The following GALNT13 variants were observed in gnomAD, a reference collection of about 807,000 sequenced individuals.
The protein encoded by GALNT13 is UDP-GalNAc:polypeptide N-acetylgalactosaminyltransferase 13.
Under a neutral mutation model 64.2 loss-of-function variants are expected in GALNT13, and 28 were observed. That is an observed-to-expected ratio of 0.44 (90% CI 0.32 to 0.60). The LOEUF (loss-of-function observed/expected upper bound fraction) is 0.60, where lower values mean the gene tolerates loss of function less well. Among genes scored for constraint, GALNT13 ranks in the 20% least tolerant of loss-of-function variants. The pLI, the probability that GALNT13 is intolerant of heterozygous loss-of-function variation, is 0.05. For missense variants in GALNT13, 577 were observed against 669.8 expected (o/e 0.86, Z 1.53); for synonymous variants, 214 against 224.6 (o/e 0.95, Z 0.42).
chr2:153,885,357 A>G (rs187837104), intron 1 of GALNT13, among the ~76,000 whole-genome samples: 1 of 152,194 alleles, frequency 6.6e-6, no homozygotes, highest in East Asian at 1.9e-4. Context: ...TCAAATCAGA[A>G]TCATACATCT....
intron 11 of GALNT13, among the ~76,000 whole-genome samples, chr2:154,431,288 C>T (rs80082019): frequency 0.039 from 5,892 of 152,272 alleles, 245 homozygotes; most frequent in African/African-American, 0.1. Context: ...TACTTTGTAA[C>T]GTGTACTGCT....
chr2:154,055,377 G>A (rs1444595684), intron 3 of GALNT13, among the ~76,000 whole-genome samples: 1 of 152,014 alleles, frequency 6.6e-6, no homozygotes, highest in Admixed American at 6.5e-5. Flanking sequence ...GTCTTCTTAG[G>A]AGAGTGTGTC....
chr2:153,697,169 T>C, the GALNT13 span, among the ~76,000 whole-genome samples: 1 of 152,172 alleles, frequency 6.6e-6, no homozygotes, highest in African/African-American at 2.4e-5. Flanking sequence ...CCACAGTGGC[T>C]GTGTTGAGCC....
At chr2:154,323,309 G>C (rs1372966270) in intron 9 of GALNT13, among the ~76,000 whole-genome samples, 3 of 151,692 alleles carry the variant, frequency 2.0e-5, no homozygotes, top group African/African-American at 7.3e-5. Context: ...AAAAGGAGAG[G>C]AGTAGCAAAG....
At chr2:154,367,319 CAAAG>C (rs749222380) in intron 9 of GALNT13, among the ~76,000 whole-genome samples, 8 of 151,888 alleles carry the variant, frequency 5.3e-5, no homozygotes, top group African/African-American at 1.5e-4. Context: ...GAAATGAAAA[CAAAG>C]AAAAATTTAA....
the GALNT13 span, among the ~76,000 whole-genome samples, chr2:153,293,566 C>T: frequency 1.3e-5 from 2 of 152,120 alleles, no homozygotes; most frequent in African/African-American, 2.4e-5. Flanking sequence ...AATTTTAGCT[C>T]AGTCAAACCC....
intron 4 of GALNT13, among the ~76,000 whole-genome samples, chr2:154,202,013 A>T (rs1687196696): frequency 6.6e-6 from 1 of 152,194 alleles, no homozygotes; most frequent in African/African-American, 2.4e-5. Context: ...ATTGATGAAG[A>T]TAACTTTCTG....
At chr2:153,286,342 A>G in the GALNT13 span, among the ~76,000 whole-genome samples, 1 of 149,152 alleles carries the variant, frequency 6.7e-6, no homozygotes, top group East Asian at 1.9e-4. Flanking sequence ...TATTATGACT[A>G]TTTATATAGA....
At chr2:153,238,570 T>C in the GALNT13 span, among the ~76,000 whole-genome samples, 3 of 151,010 alleles carry the variant, frequency 2.0e-5, no homozygotes, top group Non-Finnish European at 3.0e-5. Flanking sequence ...TTCCCCAGCA[T>C]TATTTATTGA....
chr2:153,799,709 T>G, the GALNT13 span, among the ~76,000 whole-genome samples: 1 of 152,182 alleles, frequency 6.6e-6, no homozygotes, highest in Non-Finnish European at 1.5e-5. Flanking sequence ...TTCTATGACT[T>G]AGTTTGGCCT....
chr2:154,196,752 G>A (rs1686899381), intron 4 of GALNT13, among the ~76,000 whole-genome samples: 1 of 152,138 alleles, frequency 6.6e-6, no homozygotes, highest in Admixed American at 6.5e-5. Flanking sequence ...TATAGATTTG[G>A]ACTTTCACAA....
chr2:153,549,306 A>G, the GALNT13 span, among the ~76,000 whole-genome samples: 1 of 152,214 alleles, frequency 6.6e-6, no homozygotes, highest in Non-Finnish European at 1.5e-5. Flanking sequence ...TCTTTACACA[A>G]AATACTTGAG....
chr2:154,448,383 A>G (rs1472879422), intron 12 of GALNT13, among the ~76,000 whole-genome samples: 2 of 152,016 alleles, frequency 1.3e-5, no homozygotes, highest in South Asian at 4.1e-4. Context: ...AACAAAAGGG[A>G]AAAACTGTAT....
intron 1 of GALNT13, among the ~76,000 whole-genome samples, chr2:153,886,658 A>G (rs1261266578): frequency 6.6e-6 from 1 of 151,908 alleles, no homozygotes; most frequent in Admixed American, 6.6e-5. Flanking sequence ...ATAGTTTGTG[A>G]TTACCGTCTC....
intron 7 of GALNT13, among the ~76,000 whole-genome samples, chr2:154,247,756 A>G (rs1559047396): frequency 6.6e-6 from 1 of 152,090 alleles, no homozygotes; most frequent in Non-Finnish European, 1.5e-5. Context: ...ATCTCAGTAT[A>G]TTTTGTTTCC....
At chr2:153,473,685 C>T in the GALNT13 span, among the ~76,000 whole-genome samples, 18 of 152,126 alleles carry the variant, frequency 1.2e-4, no homozygotes, top group Non-Finnish European at 2.5e-4. Flanking sequence ...ACAGAACAAA[C>T]CGAACCCTGG....
At chr2:154,051,572 G>C (rs928322109) in intron 3 of GALNT13, among the ~76,000 whole-genome samples, 4 of 151,382 alleles carry the variant, frequency 2.6e-5, no homozygotes, top group Non-Finnish European at 4.4e-5. Flanking sequence ...TTACAGGCGT[G>C]AGCCACCGCG....
At chr2:153,294,153 C>T in the GALNT13 span, among the ~76,000 whole-genome samples, 1 of 152,034 alleles carries the variant, frequency 6.6e-6, no homozygotes, top group Non-Finnish European at 1.5e-5. Flanking sequence ...CAAGGAAAGA[C>T]TTACTAATGT....
At chr2:153,559,707 A>G in the GALNT13 span, among the ~76,000 whole-genome samples, 10 of 152,192 alleles carry the variant, frequency 6.6e-5, no homozygotes, top group South Asian at 2.1e-3. Flanking sequence ...TTTAAAGTTT[A>G]TTGGTTATTA....
Sources: allele counts gnomAD v4.1 joint callset (sites outside exome capture counted in the v4.1 genomes callset), GRCh38; gene constraint gnomAD v4.1.1; transcripts MANE v1.5; gene names NCBI Gene and HGNC (gene_info 2026-07-23, HGNC 2026-07-21).